The following FNDC3A variants were observed in gnomAD, a reference collection of about 807,000 sequenced individuals.
FNDC3A encodes fibronectin type III domain containing 3A, also known as fibronectin type-III domain-containing protein 3A.
FNDC3A carries 32 observed loss-of-function variants against 148.9 expected under a neutral mutation model. That is an observed-to-expected ratio of 0.21 (90% CI 0.16 to 0.29). The LOEUF (loss-of-function observed/expected upper bound fraction) is 0.29, where lower values mean the gene tolerates loss of function less well. FNDC3A is among the 10% of genes least tolerant of loss of function. The pLI is 1.00. For missense variants in FNDC3A, 1,191 were observed against 1,452.8 expected (o/e 0.82, Z 2.93); for synonymous variants, 472 against 473.6 (o/e 1.00, Z 0.04).
intron 2 of FNDC3A, among the ~76,000 whole-genome samples, chr13:49,066,882 G>A (rs1413108225): frequency 6.6e-6 from 1 of 151,634 alleles, no homozygotes. Context: ...ATTCCTTTTT[G>A]CCCCTCCACC....
At chr13:49,008,175 T>G (rs1446643419) in intron 2 of FNDC3A, among the ~76,000 whole-genome samples, 1 of 152,112 alleles carries the variant, frequency 6.6e-6, no homozygotes, top group African/African-American at 2.4e-5. Context: ...TTTCAATAAA[T>G]AGAGATAGTT....
chr13:49,091,228 A>G (rs1024719604), intron 3 of FNDC3A, among the ~76,000 whole-genome samples: 4 of 152,102 alleles, frequency 2.6e-5, no homozygotes, highest in Non-Finnish European at 5.9e-5. Flanking sequence ...ACAAAAAAAG[A>G]TTACAAGGCA....
At position 49,207,887 on chromosome 13, in the gene FNDC3A, G is replaced by A. The variant is rs1886728567; in HGVS notation, c.*492G>A. The stretch of plus-strand genomic sequence containing the variant: ...ACCTCCTCATTTGTCTTAATTATTT[G>A]GTAAGTGGGATTATGATGAGTAACT... On this transcript the variant is annotated 3_prime_UTR_variant, in exon 26 of 26. Transcript: ENST00000492622. 10 of 152,710 alleles carry A rather than the reference G, an allele frequency of 6.5e-5. No homozygotes were observed. Among genetic ancestry groups the A allele is most frequent in the Admixed American group, 6.5e-4 (10 of 15,284 alleles). The allele number at this position is 152,710 out of a possible 1,614,324, so 9.5% of individuals were successfully genotyped here.
intron 14 of FNDC3A, among the ~76,000 whole-genome samples, chr13:49,179,462 G>C (rs1885197966): frequency 6.6e-6 from 1 of 152,122 alleles, no homozygotes; most frequent in South Asian, 2.1e-4. Flanking sequence ...TGAGCATCTT[G>C]TTCCTCATCA....
chr13:49,171,952 C>A, intron 10 of FNDC3A, 91 bp from the exon 11 acceptor site: 1 of 854,170 alleles, frequency 1.2e-6, no homozygotes, highest in Non-Finnish European at 1.9e-6. Flanking sequence ...AAACATCTGC[C>A]ACATAAACTA....
intron 2 of FNDC3A, among the ~76,000 whole-genome samples, chr13:49,017,998 T>A (rs1236093895): frequency 6.6e-6 from 1 of 152,220 alleles, no homozygotes; most frequent in Admixed American, 6.5e-5. Flanking sequence ...CTTCCCTTTT[T>A]GGGTAACCCG....
chr13:49,178,836 C>A lies in FNDC3A; in HGVS notation c.1617+182C>A, dbSNP rs187834235. Reference sequence around the variant, plus strand: ...CAGCCACAACCTCCTGGGCTCAAGTCATCCTCCCACCTCAGCTTCCCAAGC... The same window carrying A: ...CAGCCACAACCTCCTGGGCTCAAGTAATCCTCCCACCTCAGCTTCCCAAGC... On this transcript the variant is annotated intron_variant, in intron 14 of 25. Transcript: ENST00000492622. 4.6e-5 allele frequency among the ~76,000 whole-genome samples: 7 copies of A among 152,132 alleles called. No homozygotes were observed. The East Asian group carries it at 1.4e-3, about 30-fold the overall frequency.
intron 2 of FNDC3A, among the ~76,000 whole-genome samples, chr13:49,025,707 A>T (rs942045763): frequency 1.3e-5 from 2 of 152,064 alleles, no homozygotes; most frequent in African/African-American, 2.4e-5. Flanking sequence ...AGTTTGGGGG[A>T]AGAAAGGAGA....
intron 8 of FNDC3A, among the ~76,000 whole-genome samples, chr13:49,148,563 G>A (rs1396915989): frequency 1.1e-4 from 17 of 152,066 alleles, no homozygotes; most frequent in Admixed American, 1.1e-3. Context: ...CTTAGTTCTT[G>A]TGTCTATTTT....
chr13:49,128,665 C>T (rs1355078101), intron 4 of FNDC3A, among the ~76,000 whole-genome samples: 1 of 152,130 alleles, frequency 6.6e-6, no homozygotes, highest in Non-Finnish European at 1.5e-5. Context: ...TTAATAGTAG[C>T]CTGTGTCGTG....
intron 1 of FNDC3A, among the ~76,000 whole-genome samples, chr13:48,979,773 T>C (rs1951665659): frequency 6.6e-6 from 1 of 152,160 alleles, no homozygotes; most frequent in Non-Finnish European, 1.5e-5. Context: ...TAATTAAATA[T>C]TTTAGGTTTT....
At chr13:49,042,810 C>T (rs1364509933) in intron 2 of FNDC3A, among the ~76,000 whole-genome samples, 2 of 152,166 alleles carry the variant, frequency 1.3e-5, no homozygotes, top group Non-Finnish European at 2.9e-5. Context: ...ATTTAGAGGT[C>T]TGTATTTTTT....
intron 2 of FNDC3A, among the ~76,000 whole-genome samples, chr13:49,060,643 CAAAAAAAAA>C (rs35534890): frequency 5.0e-5 from 3 of 59,716 alleles, no homozygotes; most frequent in Admixed American, 2.2e-4. Context: ...GACTCGGTCT[CAAAAAAAAA>C]AAAAAAAAAA....
intron 3 of FNDC3A, among the ~76,000 whole-genome samples, chr13:49,113,516 A>G (rs914647938): frequency 1.3e-5 from 2 of 152,074 alleles, no homozygotes; most frequent in East Asian, 3.9e-4. Flanking sequence ...TTTCTGAAGT[A>G]TGTATAATAT....
rs143909543 is a variant in FNDC3A, at chr13:49,042,006, A to G, written c.100-33283A>G. Among the ~76,000 whole-genome samples the G allele has an allele frequency of 2.5e-3, 381 of 152,200 alleles. 2 individuals are homozygous for G. Among genetic ancestry groups the G allele is most frequent in the Admixed American group, 4.6e-3 (70 of 15,294 alleles). On this transcript the variant is annotated intron_variant, in intron 2 of 25. Transcript: ENST00000492622. ...GATAGTGATGAGTACTAGATAAAAA[A>G]TAAAATATATGTGAGGGGTATATAT...
chr13:49,073,917 G>T (rs2137776287), intron 2 of FNDC3A, among the ~76,000 whole-genome samples: 1 of 150,090 alleles, frequency 6.7e-6, no homozygotes, highest in Non-Finnish European at 1.5e-5. Flanking sequence ...AACATTTTTG[G>T]TCCAAGCATT....
At chr13:49,019,716 G>A (rs1181176608) in intron 2 of FNDC3A, among the ~76,000 whole-genome samples, 1 of 152,144 alleles carries the variant, frequency 6.6e-6, no homozygotes, top group Non-Finnish European at 1.5e-5. Context: ...ATGTATTGCT[G>A]GATTGGGGTA....
chr13:49,194,751 T>C (rs151017808), intron 19 of FNDC3A, among the ~76,000 whole-genome samples: 69 of 152,310 alleles, frequency 4.5e-4, no homozygotes, highest in African/African-American at 1.6e-3. Flanking sequence ...AATCACAGTC[T>C]ACTTCTTGTT....
intron 2 of FNDC3A, among the ~76,000 whole-genome samples, chr13:49,025,398 T>C (rs1218781722): frequency 1.3e-5 from 2 of 152,098 alleles, no homozygotes; most frequent in African/African-American, 2.4e-5. Context: ...TCTATTACAT[T>C]CTAAAGTAAT....
Sources: gnomAD v4.1 joint callset for allele counts (sites outside exome capture counted in the v4.1 genomes callset) on GRCh38, gnomAD v4.1.1 for gene constraint, MANE v1.5 for transcripts, NCBI Gene and HGNC (gene_info 2026-07-23, HGNC 2026-07-21) for gene names.